The following CYBRD1 variants were observed in gnomAD, a reference collection of about 807,000 sequenced individuals.
The protein encoded by CYBRD1 is cytochrome b reductase 1, also known as plasma membrane ascorbate-dependent reductase CYBRD1.
Under a neutral mutation model 21.9 loss-of-function variants are expected in CYBRD1, and 14 were observed. The ratio of observed to expected loss-of-function variants is 0.64; its 90% confidence interval spans 0.42 to 1.00. The LOEUF is 1.00. CYBRD1 is among the 50% of genes least tolerant of loss of function. CYBRD1 has a pLI of 0.00. For missense variants in CYBRD1, 328 were observed against 352.5 expected (o/e 0.93, Z 0.56); for synonymous variants, 146 against 136.5 (o/e 1.07, Z -0.48).
chr2:171,532,740 G>T (rs1697486559), intron 1 of CYBRD1, among the ~76,000 whole-genome samples: 1 of 152,056 alleles, frequency 6.6e-6, no homozygotes, highest in Admixed American at 6.5e-5. Context: ...AGCAGAGGTT[G>T]CAGTGAGCCA....
chr2:171,550,430 A>G (rs978716954), intron 2 of CYBRD1, among the ~76,000 whole-genome samples: 2 of 151,976 alleles, frequency 1.3e-5, no homozygotes, highest in African/African-American at 4.8e-5. Context: ...CACTTCCAGT[A>G]CTGACTTAGA....
intron 1 of CYBRD1, among the ~76,000 whole-genome samples, chr2:171,526,235 G>C (rs13406106): frequency 0.97 from 148,282 of 152,236 alleles, 72,340 homozygotes; most frequent in Middle Eastern, 1. Context: ...CCACTGCACT[G>C]TAGCCTGGGC....
chr2:171,535,440 T>C (rs146962243), intron 1 of CYBRD1, among the ~76,000 whole-genome samples: 27 of 152,332 alleles, frequency 1.8e-4, no homozygotes, highest in African/African-American at 6.3e-4. Context: ...AAATCAAGTT[T>C]TGACACTCAG....
Position 171,531,154 on chromosome 2 carries a change from C to CAAA in CYBRD1, c.193+8432_193+8434dup, listed in dbSNP as rs5836342. Among the ~76,000 whole-genome samples the CAAA allele has an allele frequency of 3.3e-3, 376 of 114,616 alleles. 3 individuals are homozygous for CAAA. The highest frequency in any genetic ancestry group is 0.012 in the African/African-American group (350 of 29,648). 75.2% of individuals were successfully genotyped at this position (114,616 alleles called of 152,430 possible). A position where few individuals can be genotyped will look rare whatever the true frequency, so the allele number is the denominator to read the frequency against. On this transcript the variant is annotated intron_variant, in intron 1 of 3. Transcript: ENST00000321348. The stretch of plus-strand genomic sequence containing the variant: ...CTGGGGACAGAACAAGACCCTGTCT[C>CAAA]AAAAAAAAAAAAAAAAAAGAAAGAC...
At chr2:171,523,953 T>C (rs751652126) in intron 1 of CYBRD1, among the ~76,000 whole-genome samples, 1 of 152,242 alleles carries the variant, frequency 6.6e-6, no homozygotes, top group South Asian at 2.1e-4. Flanking sequence ...AATCTCTAGC[T>C]TTGCCTGCGG....
chr2:171,541,866 T>G, intron 2 of CYBRD1, 73 bp downstream of exon 2: 1 of 1,237,112 alleles, frequency 8.1e-7, no homozygotes, highest in Non-Finnish European at 1.1e-6. Flanking sequence ...CTTTTCTTTT[T>G]TTTTTTTTTT....
chr2:171,546,825 G>A (rs1697723317), intron 2 of CYBRD1, among the ~76,000 whole-genome samples: 1 of 152,120 alleles, frequency 6.6e-6, no homozygotes, highest in Admixed American at 6.5e-5. Flanking sequence ...TAGGTGGATG[G>A]AATAGCATGT....
chr2:171,534,613 A>G (rs1427180691), intron 1 of CYBRD1, among the ~76,000 whole-genome samples: 2 of 152,234 alleles, frequency 1.3e-5, no homozygotes, highest in Non-Finnish European at 2.9e-5. Context: ...GCTTTGCAGC[A>G]GAGCCTCTAT....
intron 1 of CYBRD1, 61 bp from the exon 2 acceptor site, chr2:171,541,524 C>T: frequency 6.6e-7 from 1 of 1,519,682 alleles, no homozygotes; most frequent in Non-Finnish European, 9.1e-7. Context: ...TCAAACTGTT[C>T]ATTTTGTGTT....
At chr2:171,522,291 G>A (rs974803295), upstream of CYBRD1, 6 of 1,546,516 alleles carry the variant, frequency 3.9e-6, no homozygotes, top group South Asian at 2.4e-5. The surrounding 1 kb of genome is among the most constrained non-coding windows in gnomAD (Gnocchi z 4.3). Flanking sequence ...CGAGGGAGAG[G>A]GTGAGGCCAC....
In CYBRD1 at chr2:171,555,269, T is replaced by G; in HGVS notation, c.*442T>G. On this transcript the variant is annotated 3_prime_UTR_variant, in exon 4 of 4. Transcript: ENST00000321348. ...AGTTTAAAATCCGATAAGGAATATCTGGGACAGGGTTTAGATCATGACTCT... is the reference window on the plus strand; with the variant it reads ...AGTTTAAAATCCGATAAGGAATATCGGGGACAGGGTTTAGATCATGACTCT... 4.2e-6 allele frequency: 1 copy of G among 240,612 alleles called. No individual in the cohort carries two copies. Among genetic ancestry groups the G allele is most frequent in the Admixed American group, 5.2e-5 (1 of 19,266 alleles). The allele number at this position is 240,612 out of a possible 1,614,324, so 14.9% of individuals were successfully genotyped here.
At chr2:171,554,100 G>T (rs540385983) in intron 3 of CYBRD1, among the ~76,000 whole-genome samples, 65 of 152,300 alleles carry the variant, frequency 4.3e-4, no homozygotes, top group Middle Eastern at 3.4e-3. Flanking sequence ...AGTTTGATTG[G>T]TTGTAGAAAG....
At chr2:171,543,635 A>G (rs568133644) in intron 2 of CYBRD1, among the ~76,000 whole-genome samples, 72 of 152,328 alleles carry the variant, frequency 4.7e-4, no homozygotes, top group Middle Eastern at 3.4e-3. Flanking sequence ...TTAATTAAAT[A>G]ATATTGATTA....
At chr2:171,535,073 A>G (rs1697525600) in intron 1 of CYBRD1, among the ~76,000 whole-genome samples, 1 of 152,156 alleles carries the variant, frequency 6.6e-6, no homozygotes. Context: ...AAAATAAGAC[A>G]TTTTATAAGC....
intron 2 of CYBRD1, among the ~76,000 whole-genome samples, chr2:171,542,923 TG>T (rs1390826033): frequency 6.6e-6 from 1 of 152,144 alleles, no homozygotes; most frequent in Non-Finnish European, 1.5e-5. Flanking sequence ...TTAATTAAAA[TG>T]GTTCCCAGAG....
intron 2 of CYBRD1, among the ~76,000 whole-genome samples, chr2:171,550,565 A>G (rs538053191): frequency 5.9e-5 from 9 of 152,174 alleles, no homozygotes; most frequent in African/African-American, 2.2e-4. Context: ...GTTATTATAA[A>G]TTATAAATAT....
At chr2:171,549,935 A>G (rs16859473) in intron 2 of CYBRD1, among the ~76,000 whole-genome samples, 2,058 of 152,228 alleles carry the variant, frequency 0.014, 40 homozygotes, top group African/African-American at 0.046. Context: ...CAGACTGTTT[A>G]TCCATATCTC....
At chr2:171,540,771 A>ATTTTTTT (rs1697617086) in intron 1 of CYBRD1, 2 of 47,334 alleles carry the variant, frequency 4.2e-5, no homozygotes, top group African/African-American at 1.1e-4. Context: ...TCAAACTAAG[A>ATTTTTTT]CTTTTTTTTT....
At chr2:171,523,152 C>A (rs774568467) in intron 1 of CYBRD1, 2 of 322,230 alleles carry the variant, frequency 6.2e-6, no homozygotes, top group African/African-American at 2.3e-5. Context: ...CCCGGAAAGT[C>A]GCCCCTGTGG....
Sources: allele counts gnomAD v4.1 joint callset (sites outside exome capture counted in the v4.1 genomes callset), GRCh38; gene constraint gnomAD v4.1.1; non-coding constraint Gnocchi (gnomAD v3.1); transcripts MANE v1.5; gene names NCBI Gene and HGNC (gene_info 2026-07-23, HGNC 2026-07-21).